Variants in POLR1C observed in about 807,000 individuals in gnomAD.
POLR1C encodes the protein RNA polymerase I and III subunit C, also known as DNA-directed RNA polymerases I and III subunit RPAC1.
A neutral mutation model predicts 38.3 loss-of-function variants in POLR1C; 42 were observed. The ratio of observed to expected loss-of-function variants is 1.10; its 90% CI spans 0.86 to 1.42. The LOEUF is 1.42. Among genes scored for constraint, POLR1C ranks in the 40% most tolerant of loss-of-function variants. The pLI, the probability that POLR1C is intolerant of heterozygous loss-of-function variation, is 0.00. For synonymous variants in POLR1C, 163 were observed against 163.9 expected, an observed-to-expected ratio of 0.99 and a Z score of 0.04; for missense variants, 507 against 450.5, an observed-to-expected ratio of 1.13 and a Z score of -1.14.
chr6:43,524,608 C>T (rs755957700), downstream of POLR1C: 3 of 1,613,882 alleles, frequency 1.9e-6, no homozygotes, highest in Non-Finnish European at 2.5e-6. Flanking sequence ...TGCTCCATTA[C>T]AGCTCTTATC....
At chr6:43,521,526 A>C, downstream of POLR1C, 2 of 1,251,014 alleles carry the variant, frequency 1.6e-6, no homozygotes, top group East Asian at 7.9e-5. Flanking sequence ...TTTTGAGACT[A>C]CTTTTGAGTT....
intron 10 of POLR1C, among the ~76,000 whole-genome samples, chr6:43,552,713 T>C (rs1795308685): frequency 6.6e-6 from 1 of 152,226 alleles, no homozygotes; most frequent in Non-Finnish European, 1.5e-5. Flanking sequence ...TCTATTTCTC[T>C]ATAATTTAGT....
chr6:43,549,052 C>T (rs144654602), intron 9 of POLR1C, among the ~76,000 whole-genome samples: 104 of 152,226 alleles, frequency 6.8e-4, no homozygotes, highest in Non-Finnish European at 1.3e-3. Flanking sequence ...TAAGAAAACA[C>T]CAATTCAAGA....
intron 8 of POLR1C, 65 bp downstream of exon 8, chr6:43,521,113 G>C: frequency 6.2e-7 from 1 of 1,600,984 alleles, no homozygotes; most frequent in Non-Finnish European, 8.6e-7. Flanking sequence ...TTCCAGTCTA[G>C]ATGTGAAGTT....
chr6:43,527,542 T>C (rs1450239098), intron 8 of POLR1C: 3 of 1,303,210 alleles, frequency 2.3e-6, no homozygotes, highest in African/African-American at 2.9e-5. Flanking sequence ...CATGAATCCT[T>C]TGCATTAGTC....
chr6:43,521,557 C>T, downstream of POLR1C: 5 of 977,716 alleles, frequency 5.1e-6, no homozygotes, highest in Non-Finnish European at 6.7e-6. Context: ...GACAGTCTCA[C>T]TGTGTTGCCC....
chr6:43,556,212 C>T (rs1232123288), intron 10 of POLR1C: 1 of 407,412 alleles, frequency 2.5e-6, no homozygotes, highest in Non-Finnish European at 4.4e-6. Context: ...ACTTAGTCTC[C>T]CATTTCTGTT....
chr6:43,532,708 CCT>C (rs1794056984), downstream of POLR1C, among the ~76,000 whole-genome samples: 1 of 152,218 alleles, frequency 6.6e-6, no homozygotes, highest in Admixed American at 6.5e-5. Flanking sequence ...TTCTGACTTC[CCT>C]CTGAGACTGG....
At chr6:43,534,386 A>T (rs901598473), downstream of POLR1C, among the ~76,000 whole-genome samples, 1 of 152,198 alleles carries the variant, frequency 6.6e-6, no homozygotes, top group Non-Finnish European at 1.5e-5. Flanking sequence ...AACACAGAGG[A>T]GGTGGTAATT....
chr6:43,561,960 G>A (rs1354566556), exon 11 of POLR1C: 1 of 251,708 alleles, frequency 4.0e-6, no homozygotes, highest in Non-Finnish European at 7.5e-6. Context: ...TCAGCAGATT[G>A]AGGTTCTGTA....
chr6:43,549,649 G>A, intron 9 of POLR1C: 1 of 1,517,496 alleles, frequency 6.6e-7, no homozygotes, highest in Non-Finnish European at 9.0e-7. Context: ...AGACTCATGT[G>A]AATATCTCAG....
intron 10 of POLR1C, chr6:43,558,418 C>T (rs1176680808): frequency 7.7e-7 from 1 of 1,291,652 alleles, no homozygotes; most frequent in South Asian, 1.5e-5. Flanking sequence ...TTCGTAAAAA[C>T]CCCAAACACC....
At position 43,539,518 on chromosome 6, in the gene POLR1C, G is replaced by A. The variant is rs113684125; in HGVS notation, c.*4+10159G>A. On this transcript the variant is annotated intron_variant, in intron 9 of 10. Coordinates refer to the POLR1C transcript ENST00000607635. Reference sequence around the variant, plus strand: ...TGACCAAGCGGCCCAGCTTGGTGACGGGCATCCACTCCTTATCTTTGGCCT... The same window carrying A: ...TGACCAAGCGGCCCAGCTTGGTGACAGGCATCCACTCCTTATCTTTGGCCT... 1,800 of 1,536,094 alleles carry A rather than the reference G, an allele frequency of 1.2e-3. 14 individuals are homozygous for A. In the African/African-American group the frequency reaches 0.016, roughly 14 times the overall value.
rs768678178 is a variant in POLR1C at position 43,520,452 on chromosome 6, G to A, written c.655+25G>A. 1.5e-5 allele frequency: 24 copies of A among 1,612,790 alleles called. No homozygotes were observed. The South Asian group carries it at 2.5e-4, about 17-fold the overall frequency. ...GGTGAGAACCCTGTGTGCCTTCCTG[G>A]GAAGGGGGATAGTTCGGTTGCAGTG... On this transcript the variant is annotated intron_variant, in intron 6 of 8. Transcript: ENST00000642195.
At chr6:43,547,493 A>T in intron 9 of POLR1C, 1 of 864,326 alleles carries the variant, frequency 1.2e-6, no homozygotes, top group Non-Finnish European at 1.9e-6. Context: ...GGAAGTGGAG[A>T]CTCCCACGTT....
In POLR1C at chr6:43,556,180, G is replaced by C. The variant is rs1762076197; in HGVS notation, c.*48+5169G>C. On this transcript the variant is annotated intron_variant, in intron 10 of 10. Transcript: ENST00000607635. ...TCTCTGGAAACTGTATTACCAGCTA[G>C]ATCCTGTAAGTGGCAAACTAAACTT... 5.9e-6 allele frequency: 3 copies of C among 509,746 alleles called. No individual in the cohort carries two copies. The East Asian group carries it at 1.1e-4, about 19-fold the overall frequency. The allele number at this position is 509,746 out of a possible 1,614,324, so 31.6% of individuals were successfully genotyped here. A position where few individuals can be genotyped will look rare whatever the true frequency, so the allele number is the denominator to read the frequency against.
At chr6:43,558,800 T>G (rs1762250642) in intron 10 of POLR1C, 1 of 457,666 alleles carries the variant, frequency 2.2e-6, no homozygotes, top group Non-Finnish European at 3.8e-6. Flanking sequence ...GAGAATACTT[T>G]TAGTTGATAC....
At chr6:43,519,575 A>T (rs1793029335) in intron 3 of POLR1C, 131 bp from the exon 4 acceptor site, 1 of 1,475,490 alleles carries the variant, frequency 6.8e-7, no homozygotes, top group South Asian at 1.1e-5. Context: ...TTACCTTCTC[A>T]TTCTTTGTAA....
At chr6:43,556,480 C>T (rs537351166) in intron 10 of POLR1C, among the ~76,000 whole-genome samples, 3 of 148,774 alleles carry the variant, frequency 2.0e-5, no homozygotes, top group African/African-American at 7.5e-5. Flanking sequence ...GAGCCATGAT[C>T]GCAGCACCAC....
Sources: gnomAD v4.1 joint callset for allele counts (sites outside exome capture counted in the v4.1 genomes callset) on GRCh38, gnomAD v4.1.1 for gene constraint, MANE v1.5 for transcripts, NCBI Gene and HGNC (gene_info 2026-07-23, HGNC 2026-07-21) for gene names.